Variants in MLLT3 observed in about 807,000 individuals in gnomAD.
The protein encoded by MLLT3 is protein AF-9.
MLLT3 carries 4 observed loss-of-function variants against 53.2 expected under a neutral mutation model. That is an observed-to-expected ratio of 0.08 (90% confidence interval 0.04 to 0.17). The LOEUF is 0.17. Ranked by LOEUF, MLLT3 falls within the 10% of genes least tolerant of loss-of-function variation. The pLI is 1.00. For synonymous variants in MLLT3, 283 were observed against 230.6 expected (o/e 1.23, Z -2.06); for missense variants, 569 against 684.0 (o/e 0.83, Z 1.87).
At chr9:20,560,011 G>A (rs1249253263) in intron 2 of MLLT3, among the ~76,000 whole-genome samples, 1 of 152,096 alleles carries the variant, frequency 6.6e-6, no homozygotes, top group Non-Finnish European at 1.5e-5. Flanking sequence ...AGGGAGACTT[G>A]GATAACATGA....
chr9:20,586,475 C>A (rs1385902707), intron 2 of MLLT3, among the ~76,000 whole-genome samples: 1 of 151,526 alleles, frequency 6.6e-6, no homozygotes, highest in African/African-American at 2.4e-5. Context: ...TCGTACATAA[C>A]CCCTAGAAAA....
At chr9:20,535,122 G>T (rs1393370266) in intron 2 of MLLT3, among the ~76,000 whole-genome samples, 1 of 152,156 alleles carries the variant, frequency 6.6e-6, no homozygotes, top group Non-Finnish European at 1.5e-5. Flanking sequence ...AGCGGCAGGT[G>T]AGCTAGCGTT....
chr9:20,612,807 A>T (rs1820733855), intron 2 of MLLT3, among the ~76,000 whole-genome samples: 1 of 152,210 alleles, frequency 6.6e-6, no homozygotes, highest in Non-Finnish European at 1.5e-5. Flanking sequence ...ATTGGCAAAG[A>T]TATAGAGGAA....
intron 2 of MLLT3, among the ~76,000 whole-genome samples, chr9:20,515,266 A>G (rs1817880805): frequency 6.6e-6 from 1 of 152,088 alleles, no homozygotes; most frequent in African/African-American, 2.4e-5. Flanking sequence ...ATTTTTAGGC[A>G]ATGCTCCAAT....
At chr9:20,406,946 C>G (rs1278967978) in intron 5 of MLLT3, among the ~76,000 whole-genome samples, 1 of 152,108 alleles carries the variant, frequency 6.6e-6, no homozygotes, top group Non-Finnish European at 1.5e-5. Context: ...CCTTGTGGAC[C>G]TTGACACTGC....
intron 5 of MLLT3, among the ~76,000 whole-genome samples, chr9:20,401,780 CT>C (rs995683675): frequency 8.5e-5 from 13 of 152,106 alleles, no homozygotes; most frequent in African/African-American, 3.1e-4. Flanking sequence ...GCTGGGGAAA[CT>C]TTTTTGTTAG....
intron 2 of MLLT3, among the ~76,000 whole-genome samples, chr9:20,543,214 G>A (rs1458387607): frequency 6.6e-6 from 1 of 152,160 alleles, no homozygotes; most frequent in Admixed American, 6.5e-5. Flanking sequence ...TTAGTTTCCT[G>A]CAAGAAATTT....
intron 2 of MLLT3, among the ~76,000 whole-genome samples, chr9:20,585,593 T>C (rs552227910): frequency 5.9e-5 from 9 of 152,218 alleles, no homozygotes; most frequent in Non-Finnish European, 1.2e-4. Flanking sequence ...TGATTCTAAA[T>C]CTTCACCATT....
chr9:20,431,922 T>C (rs1823281081), intron 4 of MLLT3, among the ~76,000 whole-genome samples: 1 of 152,104 alleles, frequency 6.6e-6, no homozygotes, highest in South Asian at 2.1e-4. Context: ...TAAGCAAAGA[T>C]GAGCAAACAA....
At chr9:20,349,098 T>A (rs1454673593) in intron 10 of MLLT3, among the ~76,000 whole-genome samples, 1 of 152,230 alleles carries the variant, frequency 6.6e-6, no homozygotes, top group African/African-American at 2.4e-5. Context: ...ACTCCTTTCC[T>A]CAGCGAGCTG....
At position 20,418,762 on chromosome 9, in the gene MLLT3, G is replaced by A. The variant is rs191088293; in HGVS notation, c.421-4337C>T. On this transcript the variant is annotated intron_variant, in intron 4 of 10. Transcript: ENST00000380338. ...CTCCCAACAAACTGGGACGACAGGT[G>A]CACGTGCCACCATACCCAGCTTCCA... Among the ~76,000 whole-genome samples the A allele has an allele frequency of 2.0e-5, 3 of 152,198 alleles. No individual in the cohort carries two copies. In the East Asian group the frequency reaches 5.8e-4, roughly 29 times the overall value.
chr9:20,512,076 T>C (rs958029106), intron 2 of MLLT3, among the ~76,000 whole-genome samples: 3 of 152,192 alleles, frequency 2.0e-5, no homozygotes, highest in Non-Finnish European at 4.4e-5. Context: ...GACCTCTTCA[T>C]GCACTTAACC....
At chr9:20,565,968 T>TATTTA (rs1819356568) in intron 2 of MLLT3, among the ~76,000 whole-genome samples, 2 of 32,792 alleles carry the variant, frequency 6.1e-5, no homozygotes, top group Admixed American at 6.7e-4. Flanking sequence ...ATATATATAT[T>TATTTA]TATATATATA....
At chr9:20,359,407 G>C (rs369007601) in intron 8 of MLLT3, among the ~76,000 whole-genome samples, 1 of 152,168 alleles carries the variant, frequency 6.6e-6, no homozygotes, top group Non-Finnish European at 1.5e-5. Context: ...TGAAGATGGG[G>C]AAGAGCCAGG....
At chr9:20,462,676 C>G (rs1824140010) in intron 2 of MLLT3, among the ~76,000 whole-genome samples, 1 of 152,068 alleles carries the variant, frequency 6.6e-6, no homozygotes, top group African/African-American at 2.4e-5. Context: ...ATCATATTAG[C>G]TAATCCTAAT....
chr9:20,371,311 A>C (rs1821594824), intron 5 of MLLT3, among the ~76,000 whole-genome samples: 1 of 152,252 alleles, frequency 6.6e-6, no homozygotes, highest in Non-Finnish European at 1.5e-5. Context: ...TACACTACAC[A>C]AATTTTCTAT....
intron 4 of MLLT3, among the ~76,000 whole-genome samples, chr9:20,417,701 TATTTTCTC>T (rs1822905416): frequency 6.6e-6 from 1 of 152,172 alleles, no homozygotes; most frequent in Non-Finnish European, 1.5e-5. Context: ...TAGGATACAA[TATTTTCTC>T]TCATCTATTC....
Position 20,414,282 on chromosome 9 carries a change from G to GCTA in MLLT3, c.563_564insTAG (p.Ser190dup), listed in dbSNP as rs1233655361. On this transcript the variant is annotated inframe_insertion, in exon 5 of 11. Coordinates refer to ENST00000380338, the MANE Select transcript of MLLT3 (RefSeq NM_004529.4). ...GAGGCTTTGAAAAACTGGTACTACTGCTGCTGCTGCTGCTGCTACTGCTGC... is the reference window on the plus strand; with the variant it reads ...GAGGCTTTGAAAAACTGGTACTACTGCTACTGCTGCTGCTGCTGCTACTGCTGC... 2.5e-6 allele frequency: 4 copies of GCTA among 1,595,080 alleles called. No homozygotes were observed. Among genetic ancestry groups the GCTA allele is most frequent in the Non-Finnish European group, 3.4e-6 (4 of 1,167,164 alleles).
At chr9:20,469,724 GAA>G (rs35047538) in intron 2 of MLLT3, among the ~76,000 whole-genome samples, 12 of 137,870 alleles carry the variant, frequency 8.7e-5, no homozygotes, top group Middle Eastern at 7.8e-3. Flanking sequence ...GTGCAATCAG[GAA>G]AAAAAAAAAA....
Sources: allele counts gnomAD v4.1 joint callset (sites outside exome capture counted in the v4.1 genomes callset), GRCh38; gene constraint gnomAD v4.1.1; transcripts MANE v1.5; gene names NCBI Gene and HGNC (gene_info 2026-07-23, HGNC 2026-07-21).